Variants in RNF150 observed in about 807,000 individuals in gnomAD.
RNF150 encodes ring finger protein 150.
In RNF150, 24 loss-of-function variants were observed where a neutral mutation model predicts 39.3. The ratio of observed to expected loss-of-function variants is 0.61; its 90% CI spans 0.44 to 0.86. RNF150 has a LOEUF of 0.86. Ranked by LOEUF, RNF150 falls within the 40% of genes least tolerant of loss-of-function variation. The pLI is 0.00. For synonymous variants in RNF150, 255 were observed against 227.3 expected (o/e 1.12, Z -1.10); for missense variants, 502 against 587.8 (o/e 0.85, Z 1.51).
At chr4:141,054,100 T>C (rs1258551745) in intron 1 of RNF150, among the ~76,000 whole-genome samples, 1 of 152,182 alleles carries the variant, frequency 6.6e-6, no homozygotes, top group Admixed American at 6.5e-5. Context: ...TCTTGTCTAA[T>C]CTATGTCCGT....
intron 1 of RNF150, among the ~76,000 whole-genome samples, chr4:141,155,359 A>G (rs1265240249): frequency 1.3e-5 from 2 of 150,946 alleles, no homozygotes; most frequent in Non-Finnish European, 2.9e-5. Flanking sequence ...CGGCCTCCCA[A>G]AATGCTGGGA....
At chr4:141,142,375 C>T (rs764641375) in intron 1 of RNF150, among the ~76,000 whole-genome samples, 1 of 152,198 alleles carries the variant, frequency 6.6e-6, no homozygotes, top group Non-Finnish European at 1.5e-5. Flanking sequence ...CCATGATCTC[C>T]TCCCTCTTCC....
chr4:141,099,770 C>T (rs1490133434), intron 1 of RNF150, among the ~76,000 whole-genome samples: 3 of 151,096 alleles, frequency 2.0e-5, no homozygotes, highest in African/African-American at 7.3e-5. Context: ...GATGGCCCCT[C>T]AAAACATCCA....
Position 140,878,172 on chromosome 4 carries a change from T to G in RNF150, c.1199-9793A>C, listed in dbSNP as rs111334955. On this transcript the variant is annotated intron_variant, in intron 6 of 6. Transcript: ENST00000515673. ...AGGTGATATCTCATTGTGTTTTTTT[T>G]TTTTTTTTTTTTTCAACAGAATCTT... 3.4e-3 allele frequency among the ~76,000 whole-genome samples: 480 copies of G among 139,646 alleles called. 7 individuals are homozygous for G. The highest frequency in any genetic ancestry group is 0.014 in the African/African-American group (448 of 32,946). The allele number at this position is 139,646 out of a possible 152,430, so 91.6% of individuals were successfully genotyped here.
intron 1 of RNF150, among the ~76,000 whole-genome samples, chr4:141,036,947 A>G (rs142201296): frequency 1.1e-3 from 165 of 152,296 alleles, no homozygotes; most frequent in African/African-American, 3.4e-3. Flanking sequence ...GTTGATGTGA[A>G]TATTTCTAAC....
chr4:141,041,127 T>C (rs900869632), intron 1 of RNF150, among the ~76,000 whole-genome samples: 3 of 152,136 alleles, frequency 2.0e-5, no homozygotes. Flanking sequence ...GTACTAAGCC[T>C]ACAGCAAAAA....
At chr4:140,918,116 A>G (rs1015752369) in intron 5 of RNF150, among the ~76,000 whole-genome samples, 1 of 152,200 alleles carries the variant, frequency 6.6e-6, no homozygotes, top group African/African-American at 2.4e-5. Flanking sequence ...ACACCCTAAC[A>G]TCACAATTAA....
intron 1 of RNF150, among the ~76,000 whole-genome samples, chr4:141,184,023 AGTAATGGGATT>A (rs1560771734): frequency 2.0e-5 from 3 of 152,238 alleles, no homozygotes; most frequent in Non-Finnish European, 2.9e-5. Flanking sequence ...GTATATACCC[AGTAATGGGATT>A]GCTGGGTAAA....
chr4:141,113,998 C>T (rs568111985), intron 1 of RNF150, among the ~76,000 whole-genome samples: 3 of 152,248 alleles, frequency 2.0e-5, no homozygotes, highest in African/African-American at 7.2e-5. Flanking sequence ...CTCCAGGGCA[C>T]AGATAAAGCC....
intron 1 of RNF150, among the ~76,000 whole-genome samples, chr4:141,194,207 T>C (rs1424371670): frequency 6.6e-6 from 1 of 152,208 alleles, no homozygotes. Flanking sequence ...TTCTGATGTA[T>C]TGAAACAATT....
chr4:141,147,965 C>G (rs889526000), intron 1 of RNF150, among the ~76,000 whole-genome samples: 1 of 152,088 alleles, frequency 6.6e-6, no homozygotes. Flanking sequence ...TCATGTCATC[C>G]TTTATTCTTT....
At chr4:140,921,892 G>T (rs921186249) in intron 5 of RNF150, among the ~76,000 whole-genome samples, 1 of 152,018 alleles carries the variant, frequency 6.6e-6, no homozygotes, top group Non-Finnish European at 1.5e-5. Context: ...AATAGATGCA[G>T]AAAAGGCCTT....
At chr4:141,059,693 T>C (rs1737136042) in intron 1 of RNF150, among the ~76,000 whole-genome samples, 1 of 152,114 alleles carries the variant, frequency 6.6e-6, no homozygotes, top group South Asian at 2.1e-4. Flanking sequence ...ACAATTTACC[T>C]GAAAATGTAT....
intron 1 of RNF150, among the ~76,000 whole-genome samples, chr4:141,203,240 A>C (rs1368194413): frequency 1.0e-5 from 1 of 97,046 alleles, no homozygotes; most frequent in Non-Finnish European, 2.0e-5. Flanking sequence ...TTGGAGATAT[A>C]TAATCTTGGA....
At chr4:141,068,366 A>G (rs925787567) in intron 1 of RNF150, among the ~76,000 whole-genome samples, 1 of 152,168 alleles carries the variant, frequency 6.6e-6, no homozygotes, top group Non-Finnish European at 1.5e-5. Flanking sequence ...GGTAAATTTT[A>G]TGGTCTTTTA....
intron 1 of RNF150, among the ~76,000 whole-genome samples, chr4:141,044,725 C>T (rs77013185): frequency 0.033 from 5,025 of 151,976 alleles, 198 homozygotes; most frequent in East Asian, 0.22. Context: ...TAATGCCAAT[C>T]CCTACACATG....
chr4:141,056,978 T>C (rs530921165), intron 1 of RNF150, among the ~76,000 whole-genome samples: 104 of 152,174 alleles, frequency 6.8e-4, no homozygotes, highest in Non-Finnish European at 1.3e-3. Flanking sequence ...AATGAAGGGC[T>C]ATGACAAACC....
chr4:141,199,055 T>C (rs1444564379), intron 1 of RNF150, among the ~76,000 whole-genome samples: 2 of 152,062 alleles, frequency 1.3e-5, no homozygotes, highest in African/African-American at 2.4e-5. Context: ...CAATAAAAAA[T>C]GAGCAACAGA....
intron 1 of RNF150, among the ~76,000 whole-genome samples, chr4:141,101,787 A>C (rs1225898702): frequency 6.6e-6 from 1 of 151,928 alleles, no homozygotes; most frequent in Non-Finnish European, 1.5e-5. Context: ...TCTTTTATTT[A>C]TTTATTTATT....
Sources: gnomAD v4.1 joint callset for allele counts (sites outside exome capture counted in the v4.1 genomes callset) on GRCh38, gnomAD v4.1.1 for gene constraint, MANE v1.5 for transcripts, NCBI Gene and HGNC (gene_info 2026-07-23, HGNC 2026-07-21) for gene names.